The following ABCC6 variants were observed in gnomAD, a reference collection of about 807,000 sequenced individuals.
ABCC6 encodes ATP-binding cassette sub-family C member 6.
In ABCC6, 126 loss-of-function variants were observed where a neutral mutation model predicts 169.5. That is an observed-to-expected ratio of 0.74 (90% CI 0.64 to 0.86). The LOEUF is 0.86. Ranked by LOEUF, ABCC6 falls within the 40% of genes least tolerant of loss-of-function variation. The probability of loss-of-function intolerance (pLI) is 0.00; values close to 1 mark genes in which losing one functional copy is unlikely to be tolerated. For synonymous variants in ABCC6, 752 were observed against 814.7 expected (o/e 0.92, Z 1.31); for missense variants, 1,733 against 1,927.2 (o/e 0.90, Z 1.89).
chr16:16,169,934 C>T, intron 21 of ABCC6, 81 bp from the exon 22 acceptor site: 2 of 1,410,408 alleles, frequency 1.4e-6, no homozygotes, highest in Non-Finnish European at 2.0e-6. Context: ...GGCGAGGCTC[C>T]CAGAAAACAT....
At chr16:16,176,093 G>T in intron 19 of ABCC6, 107 bp from the exon 20 acceptor site, 1 of 1,117,850 alleles carries the variant, frequency 8.9e-7, no homozygotes, top group Non-Finnish European at 1.4e-6. Flanking sequence ...CCCCTGATCT[G>T]GCTCCTGCCA....
Position 16,198,033 on chromosome 16 carries a change from G to C in ABCC6, c.1326C>G (p.Val442=), listed in dbSNP as rs1229396633. The change falls in exon 10 of 31, where the codon GTC becomes GTG. Residue 442 remains valine, a synonymous_variant. Coordinates refer to ENST00000205557, the MANE Select transcript of ABCC6 (RefSeq NM_001171.6). ...TCCTCTGGCATACCTGCCAGAGATA[G>C]ACGAAGCAGACCACGATCCAGACGA... ...LPLVWIVVCF[V]YLWQLLGPSA... 8 of 1,614,064 alleles carry C rather than the reference G, an allele frequency of 5.0e-6. No homozygotes were observed. Among genetic ancestry groups the C allele is most frequent in the Middle Eastern group, 1.6e-4 (1 of 6,084 alleles).
chr16:16,160,112 C>G (rs754709941), intron 25 of ABCC6, among the ~76,000 whole-genome samples: 2 of 152,134 alleles, frequency 1.3e-5, no homozygotes, highest in Non-Finnish European at 2.9e-5. Flanking sequence ...TCCTCTAACA[C>G]ACCAGGGATG....
At position 16,165,610 on chromosome 16, in the gene ABCC6, G is replaced by C; in HGVS notation, c.3306+13C>G. ...CTCAGCCGGTCCCGGAAGCCTCCCT[G>C]ACCTCTCCGTACCTGAAACCCAGCG... is the stretch of plus-strand genomic sequence containing the variant. On this transcript the variant is annotated intron_variant, in intron 23 of 30. Coordinates refer to ENST00000205557, the MANE Select transcript of ABCC6 (RefSeq NM_001171.6). The C allele has an allele frequency of 6.2e-7, 1 of 1,612,872 alleles. No homozygotes were observed. Among genetic ancestry groups the C allele is most frequent in the East Asian group, 2.2e-5 (1 of 44,870 alleles).
chr16:16,189,103 T>C (rs1397391535), intron 12 of ABCC6, 129 bp from the exon 13 acceptor site: 6 of 1,046,660 alleles, frequency 5.7e-6, no homozygotes, highest in Non-Finnish European at 8.7e-6. Flanking sequence ...CTTCCCTCCG[T>C]AGATCCCACT....
In ABCC6 at chr16:16,221,801, C is replaced by T. The variant is rs371804833; in HGVS notation, c.67G>A (p.Ala23Thr). 68 of 1,613,340 alleles carry T rather than the reference C, an allele frequency of 4.2e-5. No homozygotes were observed. Among genetic ancestry groups the T allele is most frequent in the East Asian group, 2.5e-4 (11 of 44,890 alleles). Reference sequence around the variant, plus strand: ...AAGCACAGGCTCAGCAGGCTGGTGGCGGCAGGTTCAGGCTCTGTCTGGTTC... The same window carrying T: ...AAGCACAGGCTCAGCAGGCTGGTGGTGGCAGGTTCAGGCTCTGTCTGGTTC... The part of the protein sequence containing the change: ...VWNQTEPEPA[A>T]TSLLSLCFLR... The change falls in exon 2 of 31, where the codon GCC (alanine) becomes ACC (threonine). Residue 23 changes from alanine to threonine, a missense_variant. Physicochemically the swap from Ala to Thr is moderately conservative, Grantham distance 58. This residue lies in a region of ABCC6 where 66 missense variants were observed against 69.5 expected (regional missense o/e 0.95). Transcript: ENST00000205557.
chr16:16,184,916 C>G (rs753266144), intron 15 of ABCC6, 43 bp downstream of exon 15: 4 of 1,577,148 alleles, frequency 2.5e-6, no homozygotes, highest in Middle Eastern at 1.7e-4. Flanking sequence ...TGCATCTTCT[C>G]CCTAAAAACA....
chr16:16,166,003 A>G (rs528033301), intron 22 of ABCC6, 70 bp from the exon 23 acceptor site: 1 of 1,502,246 alleles, frequency 6.7e-7, no homozygotes, highest in African/African-American at 1.4e-5. Context: ...GGCCCTGCGC[A>G]GGTCTCTCCC....
intron 25 of ABCC6, 120 bp downstream of exon 25, chr16:16,161,318 G>T: frequency 6.8e-7 from 1 of 1,468,502 alleles, no homozygotes; most frequent in Non-Finnish European, 9.3e-7. Context: ...CTCCTTGGTG[G>T]AGGGACTCCA....
chr16:16,197,909 C>T, intron 10 of ABCC6, 112 bp downstream of exon 10: 2 of 1,305,730 alleles, frequency 1.5e-6, no homozygotes, highest in Non-Finnish European at 1.1e-6. Context: ...GGACCTCTTC[C>T]AGCCTCTTGA....
At chr16:16,216,571 G>T (rs879081476) in intron 4 of ABCC6, among the ~76,000 whole-genome samples, 2 of 152,108 alleles carry the variant, frequency 1.3e-5, no homozygotes, top group African/African-American at 4.8e-5. Flanking sequence ...TTCTTTATCA[G>T]TTCGTCTGTT....
At chr16:16,150,470 AG>A in intron 30 of ABCC6, 107 bp downstream of exon 30, 3 of 1,508,610 alleles carry the variant, frequency 2.0e-6, no homozygotes, top group Non-Finnish European at 2.7e-6. Flanking sequence ...GGCCCCATTC[AG>A]GACCCCTCCA....
chr16:16,162,911 C>G (rs2152224106), intron 24 of ABCC6, 82 bp downstream of exon 24: 1 of 1,582,008 alleles, frequency 6.3e-7, no homozygotes, highest in Non-Finnish European at 8.7e-7. Context: ...GGTGACCTCT[C>G]TACCATACAA....
At chr16:16,186,629 C>G (rs2047660759) in intron 14 of ABCC6, among the ~76,000 whole-genome samples, 1 of 149,806 alleles carries the variant, frequency 6.7e-6, no homozygotes, top group African/African-American at 2.5e-5. Flanking sequence ...TCTCTGTCTC[C>G]CATCACCCGC....
chr16:16,177,674 G>A (rs1235601126), intron 18 of ABCC6, 48 bp from the exon 19 acceptor site: 1 of 1,606,592 alleles, frequency 6.2e-7, no homozygotes, highest in Non-Finnish European at 8.5e-7. Flanking sequence ...CGGGTGCAGT[G>A]GCTCATGCCT....
At position 16,157,793 on chromosome 16, in the gene ABCC6, G is replaced by C; in HGVS notation, c.3752C>G (p.Pro1251Arg). ...WTPKEAPWRLPTCAAQPPWPQ... is the reference protein window; with the variant it reads ...WTPKEAPWRLRTCAAQPPWPQ... Reference sequence around the variant, plus strand: ...CCAGGGGGGCTGAGCTGCACATGTGGGCAGCCTCCAGGGAGCCTGGAGCAG... The same window carrying C: ...CCAGGGGGGCTGAGCTGCACATGTGCGCAGCCTCCAGGGAGCCTGGAGCAG... The change falls in exon 27 of 31, where the codon CCC becomes CGC. Residue 1251 changes from proline (P) to arginine (R), a missense_variant. This residue lies in a region of ABCC6 where 1,601 missense variants were observed against 1,635.5 expected (regional missense o/e 0.98). Coordinates refer to ENST00000205557, the MANE Select transcript of ABCC6 (RefSeq NM_001171.6). 3 of 1,612,396 alleles carry C rather than the reference G, an allele frequency of 1.9e-6. No homozygotes were observed. Among genetic ancestry groups the C allele is most frequent in the Non-Finnish European group, 2.5e-6 (3 of 1,179,944 alleles).
At chr16:16,217,909 T>C (rs565082810) in intron 4 of ABCC6, among the ~76,000 whole-genome samples, 3 of 152,194 alleles carry the variant, frequency 2.0e-5, no homozygotes, top group South Asian at 2.1e-4. Flanking sequence ...GGCCAACATA[T>C]TGAAACCTTG....
At chr16:16,150,274 G>T (rs2046349976) in intron 30 of ABCC6, 33 bp from the exon 31 acceptor site, 1 of 1,613,228 alleles carries the variant, frequency 6.2e-7, no homozygotes. Context: ...GAGGCTCTTT[G>T]GACACCAGCC....
intron 29 of ABCC6, among the ~76,000 whole-genome samples, chr16:16,152,478 C>T (rs192972113): frequency 1.2e-4 from 19 of 152,112 alleles, no homozygotes; most frequent in East Asian, 3.9e-4. Flanking sequence ...AGCTGTGTGA[C>T]GTCAGGCAAG....
Sources: allele counts gnomAD v4.1 joint callset (sites outside exome capture counted in the v4.1 genomes callset), GRCh38; gene constraint gnomAD v4.1.1; regional missense constraint gnomAD v4.1.1; transcripts MANE v1.5; gene names NCBI Gene and HGNC (gene_info 2026-07-23, HGNC 2026-07-21).